ETV7: variants seen among roughly 807,000 people sequenced by gnomAD.
ETV7 encodes the protein transcription factor ETV7.
In ETV7, 43 loss-of-function variants were observed where a neutral mutation model predicts 39.1. The observed-to-expected ratio is 1.10, with a 90% CI of 0.86 to 1.42. ETV7 has a LOEUF of 1.42. Ranked by LOEUF, ETV7 falls within the 40% of genes most tolerant of loss-of-function variation. The probability of loss-of-function intolerance (pLI) is 0.00; values close to 1 mark genes in which losing one functional copy is unlikely to be tolerated. For synonymous variants in ETV7, 196 were observed against 176.6 expected, an observed-to-expected ratio of 1.11 and a Z score of -0.87; for missense variants, 432 against 442.3, an observed-to-expected ratio of 0.98 and a Z score of 0.21.
chr6:36,382,255 C>G (rs1773692624), intron 2 of ETV7, among the ~76,000 whole-genome samples: 1 of 152,108 alleles, frequency 6.6e-6, no homozygotes, highest in African/African-American at 2.4e-5. Context: ...TCTCAGCTAC[C>G]TTTACTATTT....
Position 36,375,784 on chromosome 6 carries a change from C to T in ETV7, c.307+87G>A, listed in dbSNP as rs762834339. The T allele has an allele frequency of 1.9e-6, 3 of 1,596,884 alleles. No individual in the cohort carries two copies. The Admixed American group carries it at 5.0e-5, about 27-fold the overall frequency. On this transcript the variant is annotated intron_variant, in intron 3 of 7. Transcript: ENST00000340181. Reference sequence around the variant, plus strand: ...GATTCCCCAAGGAAGACCCCTCCATCTCCCTCCCTGGGCCCCCCGGGGGTA... The same window carrying T: ...GATTCCCCAAGGAAGACCCCTCCATTTCCCTCCCTGGGCCCCCCGGGGGTA...
chr6:36,386,084 T>A (rs1016906073), intron 1 of ETV7, among the ~76,000 whole-genome samples: 2 of 152,108 alleles, frequency 1.3e-5, no homozygotes, highest in Non-Finnish European at 2.9e-5. Flanking sequence ...TCTCAACACT[T>A]TGGGAGTCTG....
chr6:36,372,236 T>C (rs1314955706), intron 4 of ETV7, among the ~76,000 whole-genome samples: 1 of 151,842 alleles, frequency 6.6e-6, no homozygotes, highest in Non-Finnish European at 1.5e-5. Flanking sequence ...GAACAGTAAG[T>C]GCAAAGGCCC....
At chr6:36,361,249 A>G (rs1477166948), downstream of ETV7, among the ~76,000 whole-genome samples, 1 of 152,182 alleles carries the variant, frequency 6.6e-6, no homozygotes, top group Non-Finnish European at 1.5e-5. Flanking sequence ...TTGAGGGCCG[A>G]GGTGTCACTG....
intron 2 of ETV7, among the ~76,000 whole-genome samples, chr6:36,378,072 T>C (rs559837560): frequency 6.6e-6 from 1 of 152,334 alleles, no homozygotes; most frequent in African/African-American, 2.4e-5. Context: ...CAAATGGTCT[T>C]ATGCTAAGAT....
chr6:36,386,272 G>GCACTCC (rs1241235116), intron 1 of ETV7, among the ~76,000 whole-genome samples: 2 of 152,298 alleles, frequency 1.3e-5, no homozygotes, highest in African/African-American at 4.8e-5. Context: ...AAGTTGGAGT[G>GCACTCC]AGCCAAGATC....
At chr6:36,363,065 G>GGCCT (rs1471541125), downstream of ETV7, among the ~76,000 whole-genome samples, 24 of 152,044 alleles carry the variant, frequency 1.6e-4, no homozygotes, top group African/African-American at 5.1e-4. Flanking sequence ...GTAAAATGAG[G>GGCCT]GCCTGGATAA....
Position 36,368,994 on chromosome 6 carries a change from T to A in ETV7, c.742A>T (p.Lys248Ter), listed in dbSNP as rs1295729355. Residue 248 changes from lysine to a stop codon, truncating the protein, a stop_gained, in exon 6 of 8, where the codon AAG becomes TAG. Transcript: ENST00000340181. LOFTEE classifies it high-confidence loss of function. ...RYEPYIKWED[K>*]DAKIFRVVDP... Reference sequence around the variant, plus strand: ...ACAACTCGGAAGATCTTGGCGTCCTTGTCTTCCCACTTGATGTAGGGCTCA... The same window carrying A: ...ACAACTCGGAAGATCTTGGCGTCCTAGTCTTCCCACTTGATGTAGGGCTCA... 6.2e-7 allele frequency: 1 copy of A among 1,614,052 alleles called. No homozygotes were observed. The highest frequency in any genetic ancestry group is 1.3e-5 in the African/African-American group (1 of 74,920).
At chr6:36,370,262 C>T (rs931643540) in intron 5 of ETV7, among the ~76,000 whole-genome samples, 8 of 152,218 alleles carry the variant, frequency 5.3e-5, no homozygotes, top group South Asian at 4.1e-4. Flanking sequence ...CAGGCCGGCA[C>T]GGTGGTTCAC....
intron 3 of ETV7, 162 bp downstream of exon 3, chr6:36,375,708 AC>A (rs1220461355): frequency 8.7e-7 from 1 of 1,145,042 alleles, no homozygotes; most frequent in African/African-American, 1.5e-5. Context: ...GCTAGGAACC[AC>A]CAGATACACA....
Position 36,369,086 on chromosome 6 carries a change from A to C in ETV7, c.665-15T>G. 1 of 1,613,850 alleles carries C rather than the reference A, an allele frequency of 6.2e-7. No individual in the cohort carries two copies. Among genetic ancestry groups the C allele is most frequent in the South Asian group, 1.1e-5 (1 of 91,086 alleles). ...CAGGCGGCAGTCTGCAATTTAGCAC[A>C]GGGAGTGCAGGCAGCGCAGCTTTAC... is the stretch of plus-strand genomic sequence containing the variant. On this transcript the variant is annotated splice_polypyrimidine_tract_variant and intron_variant, in intron 5 of 7. Transcript: ENST00000340181.
chr6:36,374,654 C>T (rs1773217893), intron 3 of ETV7, among the ~76,000 whole-genome samples: 1 of 152,182 alleles, frequency 6.6e-6, no homozygotes, highest in South Asian at 2.1e-4. Flanking sequence ...AAGCTGGAAG[C>T]CTTGTCTCTC....
intron 1 of ETV7, among the ~76,000 whole-genome samples, chr6:36,386,378 A>G (rs1773899450): frequency 6.6e-6 from 1 of 152,192 alleles, no homozygotes; most frequent in Non-Finnish European, 1.5e-5. Context: ...ATAAGGATAC[A>G]TTTCTGAATC....
exon 8 of ETV7, chr6:36,354,431 G>T: frequency 2.5e-6 from 1 of 393,964 alleles, no homozygotes; most frequent in East Asian, 3.9e-5. Flanking sequence ...AATTTTTGGA[G>T]ATGGTGTAAG....
Position 36,369,044 on chromosome 6 carries a change from T to G in ETV7, c.692A>C (p.Tyr231Ser), listed in dbSNP as rs1772871460. Residue 231 changes from tyrosine to serine, a missense_variant, in exon 6 of 8, where the codon TAT becomes TCT. Physicochemically the swap from Tyr to Ser is moderately radical, Grantham distance 144. Transcript: ENST00000340181. Reference protein sequence around the residue: ...ADCRLLWDYVYQLLLDTRYEP... With the variant: ...ADCRLLWDYVSQLLLDTRYEP... ...ATATCGGGTATCAAGGAGCAGCTGA[T>G]ACACGTAATCCCACAGCAGGCGGCA... is the stretch of plus-strand genomic sequence containing the variant. 6.2e-7 allele frequency: 1 copy of G among 1,614,090 alleles called. No individual in the cohort carries two copies. The highest frequency in any genetic ancestry group is 8.5e-7 in the Non-Finnish European group (1 of 1,180,044).
At chr6:36,376,070 G>A (rs373448815) in intron 2 of ETV7, 35 bp from the exon 3 acceptor site, 133 of 1,567,194 alleles carry the variant, frequency 8.5e-5, no homozygotes, top group Middle Eastern at 4.0e-4. Context: ...ATCACTCCCC[G>A]TCGGGCCTCC....
At chr6:36,387,166 G>A (rs944037387) in intron 1 of ETV7, among the ~76,000 whole-genome samples, 3 of 152,192 alleles carry the variant, frequency 2.0e-5, no homozygotes, top group Non-Finnish European at 2.9e-5. Context: ...GCTAAAGAGG[G>A]GCTCCCTGCG....
At chr6:36,371,940 T>C (rs1347447366) in intron 4 of ETV7, among the ~76,000 whole-genome samples, 1 of 152,214 alleles carries the variant, frequency 6.6e-6, no homozygotes, top group Non-Finnish European at 1.5e-5. Flanking sequence ...ATCTTGAGCA[T>C]ATATCGCTGA....
In ETV7 at chr6:36,385,639, G is replaced by A. The variant is rs1228644821; in HGVS notation, c.37C>T (p.Pro13Ser). ...EGELAISPISPVAAMPPLGTH... is the reference protein window; with the variant it reads ...EGELAISPISSVAAMPPLGTH... ...CCTAGGGGAGGCATGGCTGCCACAG[G>A]GCTTATAGGAGAAATAGCCAATTCT... The change falls in exon 2 of 8, where the codon CCT becomes TCT. Residue 13 changes from proline (P) to serine (S), a missense_variant. Transcript: ENST00000340181. The A allele has an allele frequency of 6.2e-7, 1 of 1,613,368 alleles. No individual in the cohort carries two copies. The highest frequency in any genetic ancestry group is 8.5e-7 in the Non-Finnish European group (1 of 1,179,748).
Sources: allele counts gnomAD v4.1 joint callset (sites outside exome capture counted in the v4.1 genomes callset), GRCh38; gene constraint gnomAD v4.1.1; transcripts MANE v1.5; gene names NCBI Gene and HGNC (gene_info 2026-07-23, HGNC 2026-07-21).